Variants in ADGRL2 observed in about 807,000 individuals in gnomAD.
The protein encoded by ADGRL2 is calcium-independent alpha-latrotoxin receptor 2.
A neutral mutation model predicts 157.4 loss-of-function variants in ADGRL2; 44 were observed. That is an observed-to-expected ratio of 0.28 (90% CI 0.22 to 0.36). The LOEUF is 0.36. Among genes scored for constraint, ADGRL2 ranks in the 10% least tolerant of loss-of-function variants. The probability of loss-of-function intolerance (pLI) is 1.00; values close to 1 mark genes in which losing one functional copy is unlikely to be tolerated. For missense variants in ADGRL2, 1,510 were observed against 1,768.9 expected (o/e 0.85, Z 2.63); for synonymous variants, 585 against 624.7 (o/e 0.94, Z 0.95).
chr1:81,850,404 T>G (rs1417742392), intron 2 of ADGRL2, among the ~76,000 whole-genome samples: 1 of 151,982 alleles, frequency 6.6e-6, no homozygotes, highest in Non-Finnish European at 1.5e-5. Context: ...CTTGATATTT[T>G]CATTATTTCC....
At chr1:81,332,178 C>T (rs1336052571) in intron 1 of ADGRL2, among the ~76,000 whole-genome samples, 1 of 152,156 alleles carries the variant, frequency 6.6e-6, no homozygotes, top group East Asian at 1.9e-4. Context: ...CTGTGCCTTT[C>T]ACTGAAGCGT....
chr1:81,829,228 A>G (rs980922159), intron 1 of ADGRL2, among the ~76,000 whole-genome samples: 10 of 152,208 alleles, frequency 6.6e-5, no homozygotes, highest in African/African-American at 2.4e-4. Context: ...GGAATCAGCT[A>G]CACCAAACAC....
chr1:81,430,239 G>A (rs1168727422), intron 1 of ADGRL2, among the ~76,000 whole-genome samples: 3 of 152,208 alleles, frequency 2.0e-5, no homozygotes, highest in Admixed American at 2.0e-4. Flanking sequence ...GCAAAGAAAT[G>A]ATAGATGGCA....
chr1:81,394,995 T>C (rs1044106809), intron 1 of ADGRL2, among the ~76,000 whole-genome samples: 2 of 151,984 alleles, frequency 1.3e-5, no homozygotes, highest in African/African-American at 2.4e-5. Context: ...ACCTCCCAGG[T>C]TCAAGCAATT....
intron 2 of ADGRL2, among the ~76,000 whole-genome samples, chr1:81,887,929 T>C (rs1383839827): frequency 1.3e-5 from 2 of 152,160 alleles, no homozygotes; most frequent in Non-Finnish European, 2.9e-5. Flanking sequence ...TAAAGATGAG[T>C]ATGATTTCAT....
intron 3 of ADGRL2, among the ~76,000 whole-genome samples, chr1:81,591,211 C>T (rs186409535): frequency 6.6e-6 from 1 of 152,290 alleles, no homozygotes; most frequent in East Asian, 1.9e-4. Context: ...GAAAAGGGGG[C>T]TTACTAGCCA....
At chr1:81,799,709 T>C (rs1291225305), upstream of ADGRL2, among the ~76,000 whole-genome samples, 3 of 152,232 alleles carry the variant, frequency 2.0e-5, no homozygotes, top group Non-Finnish European at 4.4e-5. Flanking sequence ...CTATTGTTTC[T>C]GAAAGCAAAG....
chr1:81,818,948 G>A (rs2090701472), intron 1 of ADGRL2, among the ~76,000 whole-genome samples: 1 of 152,154 alleles, frequency 6.6e-6, no homozygotes, highest in African/African-American at 2.4e-5. Context: ...TAAAAATATA[G>A]TGCCTTAGGG....
chr1:81,384,485 T>C (rs757640062), intron 1 of ADGRL2, among the ~76,000 whole-genome samples: 1 of 152,150 alleles, frequency 6.6e-6, no homozygotes, highest in East Asian at 1.9e-4. Flanking sequence ...GGAAAAAATA[T>C]TTCTACTTTT....
chr1:81,607,883 G>GA (rs1369292727), intron 3 of ADGRL2, among the ~76,000 whole-genome samples: 1 of 152,122 alleles, frequency 6.6e-6, no homozygotes, highest in Non-Finnish European at 1.5e-5. Flanking sequence ...AGGTGATGGA[G>GA]ACAAAATCCA....
chr1:81,539,192 A>T (rs2079820761), intron 2 of ADGRL2, among the ~76,000 whole-genome samples: 1 of 152,120 alleles, frequency 6.6e-6, no homozygotes, highest in African/African-American at 2.4e-5. Flanking sequence ...GATATAGATA[A>T]ATTATTTTTG....
rs373660566 is a variant in ADGRL2 at position 81,427,157 on chromosome 1, T to A, written c.-301-17879T>A. ...AGGTGGATCCGGCAATTTTATGGGT[T>A]GCGGAGGAAACTTTCGAGGTGGTGG... On this transcript the variant is annotated intron_variant, in intron 1 of 24. Coordinates refer to the ADGRL2 transcript ENST00000370721. 1.3e-3 allele frequency: 1,419 copies of A among 1,113,718 alleles called. 30 individuals are homozygous for A. The South Asian group carries it at 0.016, about 12-fold the overall frequency. 69.0% of individuals were successfully genotyped at this position (1,113,718 alleles called of 1,614,324 possible).
chr1:81,802,958 G>C (rs1016861649), intron 1 of ADGRL2, among the ~76,000 whole-genome samples: 1 of 152,074 alleles, frequency 6.6e-6, no homozygotes, highest in South Asian at 2.1e-4. Context: ...GGGCGGCCTC[G>C]TGGGTCGGGA....
chr1:81,425,474 G>A (rs2077196023), intron 1 of ADGRL2, among the ~76,000 whole-genome samples: 1 of 152,114 alleles, frequency 6.6e-6, no homozygotes, highest in African/African-American at 2.4e-5. Context: ...CTTTTCAGGG[G>A]AAAAAATATG....
intron 2 of ADGRL2, among the ~76,000 whole-genome samples, chr1:81,794,945 G>C (rs993732850): frequency 6.6e-6 from 1 of 152,084 alleles, no homozygotes; most frequent in Non-Finnish European, 1.5e-5. Flanking sequence ...AAAAAATAAA[G>C]CAGCAAAGTG....
At chr1:81,477,948 G>A (rs2078306689) in intron 2 of ADGRL2, among the ~76,000 whole-genome samples, 2 of 152,154 alleles carry the variant, frequency 1.3e-5, no homozygotes, top group African/African-American at 4.8e-5. Flanking sequence ...AGGAAGAGGG[G>A]AGAAAAGTGT....
At chr1:81,421,316 C>A (rs1431510454) in intron 1 of ADGRL2, among the ~76,000 whole-genome samples, 1 of 152,158 alleles carries the variant, frequency 6.6e-6, no homozygotes, top group Non-Finnish European at 1.5e-5. Flanking sequence ...AACATCATAA[C>A]TAGAGATAAA....
chr1:81,376,615 C>T (rs1434839827), intron 1 of ADGRL2, among the ~76,000 whole-genome samples: 2 of 151,600 alleles, frequency 1.3e-5, no homozygotes, highest in East Asian at 3.9e-4. Context: ...TCCCATCCCT[C>T]TCTCCCTTTC....
At chr1:81,891,606 C>T (rs1383144252) in intron 2 of ADGRL2, among the ~76,000 whole-genome samples, 2 of 152,014 alleles carry the variant, frequency 1.3e-5, no homozygotes, top group Non-Finnish European at 2.9e-5. Context: ...AAATTTATTT[C>T]ATTTTCCCTT....
Sources: gnomAD v4.1 joint callset for allele counts (sites outside exome capture counted in the v4.1 genomes callset) on GRCh38, gnomAD v4.1.1 for gene constraint, MANE v1.5 for transcripts, NCBI Gene and HGNC (gene_info 2026-07-23, HGNC 2026-07-21) for gene names.